ABTB1: variants seen among roughly 807,000 people sequenced by gnomAD.
ABTB1 encodes ankyrin repeat and BTB/POZ domain-containing protein 1.
A neutral mutation model predicts 57.1 loss-of-function variants in ABTB1; 45 were observed. That is an observed-to-expected ratio of 0.79 (90% CI 0.62 to 1.01). ABTB1 has a LOEUF of 1.01. Ranked by LOEUF, ABTB1 falls within the 50% of genes least tolerant of loss-of-function variation. The pLI, the probability that ABTB1 is intolerant of heterozygous loss-of-function variation, is 0.00. For synonymous variants in ABTB1, 302 were observed against 275.4 expected (o/e 1.10, Z -0.95); for missense variants, 630 against 666.3 (o/e 0.95, Z 0.60).
intron 7 of ABTB1, 21 bp from the exon 8 acceptor site, chr3:127,677,147 G>A: frequency 6.2e-7 from 1 of 1,613,276 alleles, no homozygotes; most frequent in East Asian, 2.2e-5. Context: ...CTGGCTCCCT[G>A]AAGTTGTTCT....
intron 8 of ABTB1, 21 bp from the exon 9 acceptor site, chr3:127,677,444 G>C: frequency 6.2e-7 from 1 of 1,613,152 alleles, no homozygotes. Flanking sequence ...CTCTGATGGG[G>C]TCACCTCTTC....
intron 10 of ABTB1, 93 bp from the exon 11 acceptor site, chr3:127,679,892 C>G: frequency 7.6e-7 from 1 of 1,316,176 alleles, no homozygotes; most frequent in South Asian, 1.3e-5. Flanking sequence ...CCCGCCAGTG[C>G]CCCCCAACCA....
At chr3:127,678,533 T>C (rs982141823) in intron 10 of ABTB1, 30 of 152,484 alleles carry the variant, frequency 2.0e-4, no homozygotes, top group Admixed American at 1.8e-3. Context: ...CTGTGGGCCA[T>C]ATGGCCCTGT....
Position 127,680,776 on chromosome 3 carries a change from C to A in ABTB1, c.*301C>A. The A allele has an allele frequency of 1.5e-6, 1 of 663,674 alleles. No homozygotes were observed. Among genetic ancestry groups the A allele is most frequent in the East Asian group, 2.5e-5 (1 of 39,812 alleles). The allele number at this position is 663,674 out of a possible 1,614,324, so 41.1% of individuals were successfully genotyped here. On this transcript the variant is annotated 3_prime_UTR_variant, in exon 12 of 12. Transcript: ENST00000232744. ...TTAGCACTTTCCTTCTCCAGATCCCCCCTACCCACCCCAGTCCCAAATCCA... is the reference window on the plus strand; with the variant it reads ...TTAGCACTTTCCTTCTCCAGATCCCACCTACCCACCCCAGTCCCAAATCCA...
At position 127,673,001 on chromosome 3, in the gene ABTB1, C is replaced by A; in HGVS notation, c.-25C>A. 1 of 1,548,030 alleles carries A rather than the reference C, an allele frequency of 6.5e-7. No individual in the cohort carries two copies. The highest frequency in any genetic ancestry group is 1.2e-5 in the South Asian group (1 of 84,828). ...CGCGGCTTCGCCGCCCGAGGTCGTT[C>A]GGCTCGGGTACCATCCTCCGCGCCA... is the stretch of plus-strand genomic sequence containing the variant. On this transcript the variant is annotated 5_prime_UTR_variant, in exon 1 of 12. Coordinates refer to ENST00000232744, the MANE Select transcript of ABTB1 (RefSeq NM_172027.3).
rs773865553 is a variant in ABTB1 at position 127,673,002 on chromosome 3, G to A, written c.-24G>A. The A allele has an allele frequency of 1.4e-5, 21 of 1,549,506 alleles. No homozygotes were observed. The highest frequency in any genetic ancestry group is 5.6e-5 in the African/African-American group (4 of 71,396). On this transcript the variant is annotated 5_prime_UTR_variant, in exon 1 of 12. Coordinates refer to ENST00000232744, the MANE Select transcript of ABTB1 (RefSeq NM_172027.3). ...GCGGCTTCGCCGCCCGAGGTCGTTC[G>A]GCTCGGGTACCATCCTCCGCGCCAT...
Position 127,672,988 on chromosome 3 carries a change from G to C in ABTB1, c.-38G>C, listed in dbSNP as rs1467891991. On this transcript the variant is annotated 5_prime_UTR_variant, in exon 1 of 12. Transcript: ENST00000232744. ...CATCCGCCGGGTGCGCGGCTTCGCC[G>C]CCCGAGGTCGTTCGGCTCGGGTACC... 2.6e-6 allele frequency: 4 copies of C among 1,529,886 alleles called. No homozygotes were observed. The highest frequency in any genetic ancestry group is 1.7e-4 in the Middle Eastern group (1 of 5,766). 94.8% of individuals were successfully genotyped at this position (1,529,886 alleles called of 1,614,324 possible).
intron 10 of ABTB1, chr3:127,679,453 A>T: frequency 2.2e-6 from 1 of 452,360 alleles, no homozygotes; most frequent in East Asian, 7.0e-5. Flanking sequence ...ATGTATCTGT[A>T]GGTGGGCTCT....
At position 127,677,046 on chromosome 3, in the gene ABTB1, C is replaced by G. The variant is rs139556188; in HGVS notation, c.606C>G (p.Ser202Arg). The change falls in exon 7 of 12, where the codon AGC becomes AGG. Residue 202 changes from serine to arginine, a missense_variant. Physicochemically the swap from Ser to Arg is moderately radical, Grantham distance 110. Around this residue, in one of 3 missense-constraint regions of ABTB1, gnomAD observed 579 missense variants for 585.9 expected, o/e 0.99. Transcript: ENST00000232744. ...AATGCCAGCTGTGGGACCTGCTCAG[C>G]GACCTGGAGGCCAAGTGCGAGAAGG... is the stretch of plus-strand genomic sequence containing the variant. The part of the protein sequence containing the change: ...AKQCQLWDLL[S>R]DLEAKCEKVS... 1.9e-6 allele frequency: 3 copies of G among 1,614,140 alleles called. No individual in the cohort carries two copies. In the Admixed American group the frequency reaches 5.0e-5, roughly 27 times the overall value.
rs142406001 is a variant in ABTB1 at position 127,680,439 on chromosome 3, C to G, written c.1401C>G (p.Leu467=). The change falls in exon 12 of 12, where the codon CTC becomes CTG. Residue 467 remains leucine (L), a synonymous_variant. Coordinates refer to ENST00000232744, the MANE Select transcript of ABTB1 (RefSeq NM_172027.3). ...IEEAQQRLRA[L]EDLLVSIGLD... ...AGGCGCAGCAGCGTCTGCGGGCACT[C>G]GAGGACCTGCTCGTGTCCATCGGTC... The G allele has an allele frequency of 8.7e-6, 14 of 1,604,560 alleles. No homozygotes were observed. Among genetic ancestry groups the G allele is most frequent in the Non-Finnish European group, 1.0e-5 (12 of 1,177,164 alleles).
At position 127,676,873 on chromosome 3, in the gene ABTB1, A is replaced by G. The variant is rs1250088256; in HGVS notation, c.527-94A>G. 3 of 1,278,606 alleles carry G rather than the reference A, an allele frequency of 2.3e-6. No individual in the cohort carries two copies. In the African/African-American group the frequency reaches 4.4e-5, roughly 19 times the overall value. The allele number at this position is 1,278,606 out of a possible 1,614,324, so 79.2% of individuals were successfully genotyped here. On this transcript the variant is annotated intron_variant, in intron 6 of 11. Transcript: ENST00000232744. This position sits in a 1 kb window ranked among gnomAD's most constrained non-coding sequence, Gnocchi z 5.4. ...GTGGGCCCAGGAGTCCTAGTCCTGCAGCCAGGTGGCCAGGTGGGAGGGGAT... is the reference window on the plus strand; with the variant it reads ...GTGGGCCCAGGAGTCCTAGTCCTGCGGCCAGGTGGCCAGGTGGGAGGGGAT...
At chr3:127,673,831 C>T (rs1272821840) in intron 1 of ABTB1, among the ~76,000 whole-genome samples, 1 of 152,240 alleles carries the variant, frequency 6.6e-6, no homozygotes, top group Admixed American at 6.5e-5. Flanking sequence ...GGGTTCACAG[C>T]ACTTCCAGGT....
intron 10 of ABTB1, 107 bp downstream of exon 10, chr3:127,677,950 G>T (rs1369394604): frequency 4.3e-6 from 6 of 1,407,072 alleles, no homozygotes; most frequent in Non-Finnish European, 4.7e-6. Context: ...CTGGCCCCAT[G>T]GTTGACGTTT....
Position 127,674,378 on chromosome 3 carries a change from C to T in ABTB1, c.57-13C>T, listed in dbSNP as rs1166461039. ...CCCGTCCTGACCCAGGCTCTGACCT[C>T]CTTCCTGCCCAGGTACCTGCTGGAG... On this transcript the variant is annotated splice_polypyrimidine_tract_variant and intron_variant, in intron 1 of 11. Coordinates refer to ENST00000232744, the MANE Select transcript of ABTB1 (RefSeq NM_172027.3). 1.9e-6 allele frequency: 3 copies of T among 1,603,952 alleles called. No homozygotes were observed. The highest frequency in any genetic ancestry group is 1.7e-6 in the Non-Finnish European group (2 of 1,176,286).
chr3:127,674,645 A>T, intron 3 of ABTB1, 45 bp downstream of exon 3: 1 of 1,611,138 alleles, frequency 6.2e-7, no homozygotes. Flanking sequence ...GGGTGCATGC[A>T]TGTGTGCGTG....
rs1330885045 is a variant in ABTB1, at chr3:127,676,060, A to G, written c.266A>G (p.Lys89Arg). The G allele has an allele frequency of 1.9e-6, 3 of 1,613,220 alleles. No homozygotes were observed. Among genetic ancestry groups the G allele is most frequent in the East Asian group, 2.2e-5 (1 of 44,884 alleles). The change falls in exon 4 of 12, where the codon AAG becomes AGG. Residue 89 changes from lysine to arginine, a missense_variant. Coordinates refer to ENST00000232744, the MANE Select transcript of ABTB1 (RefSeq NM_172027.3). This position sits in a 1 kb window ranked among gnomAD's most constrained non-coding sequence, Gnocchi z 5.4. ...DPIRRALRDY[K>R]QVTASCRRRD... Reference sequence around the variant, plus strand: ...ATCCGCCGGGCTCTACGCGATTACAAGCAGGTCACGGCTTCCTGCAGGAGG... The same window carrying G: ...ATCCGCCGGGCTCTACGCGATTACAGGCAGGTCACGGCTTCCTGCAGGAGG...
Position 127,680,637 on chromosome 3 carries a change from C to G in ABTB1, c.*162C>G. ...TCTTCCCTCCATGAGCCTGGAGACC[C>G]CAGGGGAGGATCCATTTGGGATGAG... On this transcript the variant is annotated 3_prime_UTR_variant, in exon 12 of 12. Transcript: ENST00000232744. The G allele has an allele frequency of 1.1e-6, 1 of 923,690 alleles. No homozygotes were observed. Among genetic ancestry groups the G allele is most frequent in the Non-Finnish European group, 1.7e-6 (1 of 578,146 alleles). The allele number at this position is 923,690 out of a possible 1,614,324, so 57.2% of individuals were successfully genotyped here. A position where few individuals can be genotyped will look rare whatever the true frequency, so the allele number is the denominator to read the frequency against.
In ABTB1 at chr3:127,676,626, C is replaced by G; in HGVS notation, c.526+45C>G. On this transcript the variant is annotated intron_variant, in intron 6 of 11. Transcript: ENST00000232744. This position sits in a 1 kb window ranked among gnomAD's most constrained non-coding sequence, Gnocchi z 5.4. Reference sequence around the variant, plus strand: ...GTAGGAGGAGAGGGAGTGGGCCGTCCTTCTGGACAGCAGTACACCTAGGTG... The same window carrying G: ...GTAGGAGGAGAGGGAGTGGGCCGTCGTTCTGGACAGCAGTACACCTAGGTG... The G allele has an allele frequency of 1.2e-6, 2 of 1,608,348 alleles. No individual in the cohort carries two copies. The highest frequency in any genetic ancestry group is 2.2e-5 in the South Asian group (2 of 90,892).
At chr3:127,679,927 G>A in intron 10 of ABTB1, 58 bp from the exon 11 acceptor site, 7 of 1,573,844 alleles carry the variant, frequency 4.4e-6, no homozygotes, top group Non-Finnish European at 6.1e-6. Context: ...CTTGGCTGTT[G>A]TGCCCTGGGA....
Sources: gnomAD v4.1 joint callset for allele counts (sites outside exome capture counted in the v4.1 genomes callset) on GRCh38, gnomAD v4.1.1 for gene constraint, gnomAD v4.1.1 regional missense constraint, Gnocchi (gnomAD v3.1) non-coding constraint, MANE v1.5 for transcripts, NCBI Gene and HGNC (gene_info 2026-07-23, HGNC 2026-07-21) for gene names.